CPXM2: variants seen among roughly 807,000 people sequenced by gnomAD.
The protein encoded by CPXM2 is carboxypeptidase X, M14 family member 2, also known as inactive carboxypeptidase-like protein X2.
A neutral mutation model predicts 86.1 loss-of-function variants in CPXM2; 66 were observed. The ratio of observed to expected loss-of-function variants is 0.77; its 90% CI spans 0.63 to 0.94. The LOEUF (loss-of-function observed/expected upper bound fraction) is 0.94, where lower values mean the gene tolerates loss of function less well. Among genes scored for constraint, CPXM2 ranks in the 40% least tolerant of loss-of-function variants. The pLI is 0.00. For missense variants in CPXM2, 948 were observed against 1,026.3 expected, an observed-to-expected ratio of 0.92 and a Z score of 1.04; for synonymous variants, 388 against 400.2, an observed-to-expected ratio of 0.97 and a Z score of 0.36.
intron 2 of CPXM2, among the ~76,000 whole-genome samples, chr10:123,907,012 G>T (rs77904999): frequency 6.6e-6 from 1 of 152,192 alleles, no homozygotes; most frequent in African/African-American, 2.4e-5. Flanking sequence ...AAGGATTTAC[G>T]AGTTTCTGCC....
At chr10:123,749,417 A>G (rs1846028288) in intron 13 of CPXM2, among the ~76,000 whole-genome samples, 1 of 152,058 alleles carries the variant, frequency 6.6e-6, no homozygotes, top group Non-Finnish European at 1.5e-5. Flanking sequence ...GATTCCCCTT[A>G]TCCCTGCAAA....
At chr10:123,751,022 G>A in intron 13 of CPXM2, 1 of 985,426 alleles carries the variant, frequency 1.0e-6, no homozygotes, top group Non-Finnish European at 1.2e-6. Context: ...AACCTTCTAG[G>A]GAGCTGCAGT....
chr10:123,904,912 A>ATCTGCATCCTGTTACCTCCCCTC (rs1184917723), intron 2 of CPXM2, among the ~76,000 whole-genome samples: 1 of 131,660 alleles, frequency 7.6e-6, no homozygotes, highest in Admixed American at 8.2e-5. Context: ...GCTCTGCATC[A>ATCTGCATCCTGTTACCTCCCCTC]CACCTGCATC....
chr10:123,746,672 A>G lies in CPXM2; in HGVS notation c.*92T>C. ...CTTCCAGGCACTTCTTGAATTACAG[A>G]GGAAACAACAGTGAGTGAGTCCACT... On this transcript the variant is annotated 3_prime_UTR_variant, in exon 14 of 14. Transcript: ENST00000241305. 1 of 1,236,804 alleles carries G rather than the reference A, an allele frequency of 8.1e-7. No homozygotes were observed. Among genetic ancestry groups the G allele is most frequent in the Non-Finnish European group, 1.1e-6 (1 of 874,070 alleles). 76.6% of individuals were successfully genotyped at this position (1,236,804 alleles called of 1,614,324 possible). A position where few individuals can be genotyped will look rare whatever the true frequency, so the allele number is the denominator to read the frequency against.
chr10:123,891,803 CGT>C lies in CPXM2; in HGVS notation c.-146_-145del. On this transcript the variant is annotated 5_prime_UTR_variant, in exon 1 of 14. Transcript: ENST00000241305. This position sits in a 1 kb window ranked among gnomAD's most constrained non-coding sequence, Gnocchi z 5.6. ...CGCGGGAGGCGGCCGGCTGGCTGCGCGTGTGACCGGCCCGCGGGGCTGGGCTG... is the reference window on the plus strand; with the variant it reads ...CGCGGGAGGCGGCCGGCTGGCTGCGCGTGACCGGCCCGCGGGGCTGGGCTG... 2.7e-6 allele frequency: 1 copy of C among 375,598 alleles called. No individual in the cohort carries two copies. Among genetic ancestry groups the C allele is most frequent in the Non-Finnish European group, 3.9e-6 (1 of 254,036 alleles). The allele number at this position is 375,598 out of a possible 1,614,324, so 23.3% of individuals were successfully genotyped here.
intron 2 of CPXM2, among the ~76,000 whole-genome samples, chr10:123,912,320 G>T (rs998761404): frequency 2.4e-4 from 31 of 129,304 alleles, no homozygotes; most frequent in Middle Eastern, 3.7e-3. Context: ...GGGGGGGGGG[G>T]GCAGGCATTC....
chr10:123,931,089 G>A (rs187686660), intron 2 of CPXM2, among the ~76,000 whole-genome samples: 1 of 152,282 alleles, frequency 6.6e-6, no homozygotes, highest in Non-Finnish European at 1.5e-5. Context: ...TAGTCAAGGG[G>A]GGTCTAGAAA....
At chr10:123,898,737 TTTTC>T (rs1212095715) in intron 2 of CPXM2, among the ~76,000 whole-genome samples, 1 of 152,194 alleles carries the variant, frequency 6.6e-6, no homozygotes, top group African/African-American at 2.4e-5. Context: ...TTATAGAAAG[TTTTC>T]TTTCTTTCTT....
intron 2 of CPXM2, among the ~76,000 whole-genome samples, chr10:123,898,726 C>T (rs1413535886): frequency 6.6e-6 from 1 of 152,180 alleles, no homozygotes; most frequent in Admixed American, 6.5e-5. Flanking sequence ...AAATTCCCAC[C>T]TTATAGAAAG....
At chr10:123,803,248 C>T (rs1236535577) in intron 4 of CPXM2, among the ~76,000 whole-genome samples, 1 of 149,366 alleles carries the variant, frequency 6.7e-6, no homozygotes, top group Non-Finnish European at 1.5e-5. Context: ...TACAGGCATG[C>T]ACCACCATAC....
chr10:123,885,478 G>T lies in CPXM2; in HGVS notation c.305-5169C>A, dbSNP rs1179323497. Among the ~76,000 whole-genome samples the T allele has an allele frequency of 6.6e-6, 1 of 152,180 alleles. No homozygotes were observed. The highest frequency in any genetic ancestry group is 1.5e-5 in the Non-Finnish European group (1 of 68,024). On this transcript the variant is annotated intron_variant, in intron 1 of 13. Coordinates refer to ENST00000241305, the MANE Select transcript of CPXM2 (RefSeq NM_198148.3). This position sits in a 1 kb window ranked among gnomAD's most constrained non-coding sequence, Gnocchi z 4.0. ...AAAACTCACCATGGAGCACCTACCT[G>T]TGCCTAGCATGAACCAGGCATTCCA...
chr10:123,879,463 A>G (rs1004390081), intron 2 of CPXM2, among the ~76,000 whole-genome samples: 1 of 152,180 alleles, frequency 6.6e-6, no homozygotes, highest in Non-Finnish European at 1.5e-5. Context: ...CCTCATCTGT[A>G]AAGTATGGAT....
At chr10:123,890,332 G>A (rs879435451) in intron 1 of CPXM2, among the ~76,000 whole-genome samples, 2 of 152,222 alleles carry the variant, frequency 1.3e-5, no homozygotes, top group African/African-American at 4.8e-5. Context: ...CTCTGCAAAG[G>A]GGGGTGCTCA....
intron 2 of CPXM2, among the ~76,000 whole-genome samples, chr10:123,871,097 C>T (rs1421149032): frequency 6.6e-6 from 1 of 152,202 alleles, no homozygotes; most frequent in Non-Finnish European, 1.5e-5. Flanking sequence ...AGGTTCTGAC[C>T]ACCTACCTCC....
At chr10:123,849,161 T>C (rs1050183038) in intron 3 of CPXM2, among the ~76,000 whole-genome samples, 3 of 152,228 alleles carry the variant, frequency 2.0e-5, no homozygotes, top group African/African-American at 7.2e-5. Context: ...TGGCTTTGTT[T>C]TATTTTTATC....
At chr10:123,774,429 G>T (rs1252440705) in intron 7 of CPXM2, among the ~76,000 whole-genome samples, 3 of 152,214 alleles carry the variant, frequency 2.0e-5, no homozygotes, top group Non-Finnish European at 4.4e-5. Context: ...AAATCTATTA[G>T]AACTGGAAAA....
At chr10:123,811,131 A>T (rs57989624) in intron 4 of CPXM2, among the ~76,000 whole-genome samples, 1 of 102,868 alleles carries the variant, frequency 9.7e-6, no homozygotes, top group Non-Finnish European at 1.9e-5. Context: ...TCACAAAATC[A>T]TTTTTTTTTT....
chr10:123,774,103 A>G (rs7070746), intron 7 of CPXM2, among the ~76,000 whole-genome samples: 2 of 152,144 alleles, frequency 1.3e-5, no homozygotes, highest in Non-Finnish European at 2.9e-5. Flanking sequence ...TAAGGGCCAG[A>G]GGGTTCCAGG....
intron 6 of CPXM2, among the ~76,000 whole-genome samples, chr10:123,794,364 C>T (rs12253269): frequency 6.4e-4 from 98 of 152,362 alleles, no homozygotes; most frequent in African/African-American, 1.8e-3. Flanking sequence ...GGCTCAAGCA[C>T]TGCCACCCCA....
Sources: allele counts gnomAD v4.1 joint callset (sites outside exome capture counted in the v4.1 genomes callset), GRCh38; gene constraint gnomAD v4.1.1; non-coding constraint Gnocchi (gnomAD v3.1); transcripts MANE v1.5; gene names NCBI Gene and HGNC (gene_info 2026-07-23, HGNC 2026-07-21).